Variants in PDS5B observed in about 807,000 individuals in gnomAD.
PDS5B encodes PDS5 cohesin associated factor B, also known as sister chromatid cohesion protein PDS5 homolog B.
A neutral mutation model predicts 184.1 loss-of-function variants in PDS5B; 51 were observed. The observed-to-expected ratio is 0.28, with a 90% CI of 0.22 to 0.35. The LOEUF (loss-of-function observed/expected upper bound fraction) is 0.35, where lower values mean the gene tolerates loss of function less well. Ranked by LOEUF, PDS5B falls within the 10% of genes least tolerant of loss-of-function variation. The pLI is 1.00. For synonymous variants in PDS5B, 566 were observed against 569.2 expected (o/e 0.99, Z 0.08); for missense variants, 1,180 against 1,723.3 (o/e 0.68, Z 5.58).
rs1325336968 is a variant in PDS5B, at chr13:32,776,828, CATTT to C, written c.*1781_*1784del. 6.6e-6 allele frequency: 1 copy of C among 152,230 alleles called. No individual in the cohort carries two copies. Among genetic ancestry groups the C allele is most frequent in the African/African-American group, 2.4e-5 (1 of 41,384 alleles). 9.4% of individuals were successfully genotyped at this position (152,230 alleles called of 1,614,324 possible). Reference sequence around the variant, plus strand: ...GATTTGTTTGTGTTTATGAAACAGCCATTTATTTTTTAAAAAGTGTTTTGAATTG... The same window carrying C: ...GATTTGTTTGTGTTTATGAAACAGCCATTTTTTAAAAAGTGTTTTGAATTG... On this transcript the variant is annotated 3_prime_UTR_variant, in exon 35 of 35. Transcript: ENST00000315596.
At chr13:32,722,022 T>G (rs1271493162) in intron 19 of PDS5B, among the ~76,000 whole-genome samples, 3 of 151,870 alleles carry the variant, frequency 2.0e-5, no homozygotes, top group Admixed American at 6.6e-5. Context: ...GAGGTGGAGG[T>G]TGTAGCGAGC....
intron 20 of PDS5B, 143 bp from the exon 21 acceptor site, chr13:32,735,029 A>G: frequency 2.0e-6 from 1 of 493,940 alleles, no homozygotes; most frequent in East Asian, 3.2e-5. Context: ...TACTATGTAT[A>G]TTTATTGAAA....
chr13:32,722,582 C>T (rs114975338), intron 19 of PDS5B, among the ~76,000 whole-genome samples: 311 of 152,280 alleles, frequency 2.0e-3, no homozygotes, highest in African/African-American at 7.3e-3. Context: ...CTATGATGTT[C>T]TCACAACAAT....
chr13:32,638,977 G>T (rs2058612398), intron 1 of PDS5B, among the ~76,000 whole-genome samples: 1 of 152,014 alleles, frequency 6.6e-6, no homozygotes, highest in Non-Finnish European at 1.5e-5. Context: ...GGCGGGGGCG[G>T]CGTTGTACAA....
intron 2 of PDS5B, among the ~76,000 whole-genome samples, chr13:32,650,803 A>C: frequency 6.6e-6 from 1 of 152,210 alleles, no homozygotes; most frequent in East Asian, 1.9e-4. Flanking sequence ...TTCAGTAGAA[A>C]TCGAGCCATT....
intron 1 of PDS5B, among the ~76,000 whole-genome samples, chr13:32,610,267 C>T (rs912905358): frequency 6.6e-6 from 1 of 152,102 alleles, no homozygotes; most frequent in East Asian, 1.9e-4. Context: ...ATGTTGAAGA[C>T]GTATAAATAA....
chr13:32,655,091 G>T (rs1234094847), intron 3 of PDS5B, among the ~76,000 whole-genome samples: 2 of 151,678 alleles, frequency 1.3e-5, no homozygotes, highest in African/African-American at 4.8e-5. Flanking sequence ...TCAGTTCTTT[G>T]AGAAATTGCC....
intron 1 of PDS5B, among the ~76,000 whole-genome samples, chr13:32,595,690 A>G (rs1566231678): frequency 6.6e-6 from 1 of 152,238 alleles, no homozygotes; most frequent in African/African-American, 2.4e-5. Context: ...ACGTGAATAA[A>G]CCAAACTGAG....
intron 25 of PDS5B, among the ~76,000 whole-genome samples, chr13:32,755,215 A>G (rs537625013): frequency 6.6e-6 from 1 of 152,178 alleles, no homozygotes; most frequent in African/African-American, 2.4e-5. Flanking sequence ...TGTACCCCTT[A>G]TTAAACCAAT....
Position 32,606,892 on chromosome 13 carries a change from C to T in PDS5B, c.-20+20299C>T, listed in dbSNP as rs1042077494. ...GCTTGTGCATTCATCACGTAGTTCT[C>T]GTGCCATGGTTTTCAGTCCATCAGG... On this transcript the variant is annotated intron_variant, in intron 1 of 34. Coordinates refer to ENST00000315596, the MANE Select transcript of PDS5B (RefSeq NM_015032.4). Among the ~76,000 whole-genome samples, 3 of 152,172 alleles carry T rather than the reference C, an allele frequency of 2.0e-5. No homozygotes were observed. In the East Asian group the frequency reaches 5.8e-4, roughly 29 times the overall value.
intron 24 of PDS5B, among the ~76,000 whole-genome samples, chr13:32,750,627 T>G (rs2140992423): frequency 6.6e-6 from 1 of 151,136 alleles, no homozygotes. Flanking sequence ...CTGTAACCTC[T>G]GCCTCCCGGG....
intron 18 of PDS5B, among the ~76,000 whole-genome samples, chr13:32,709,540 A>G (rs956860957): frequency 6.6e-6 from 1 of 152,008 alleles, no homozygotes; most frequent in Non-Finnish European, 1.5e-5. Flanking sequence ...CTGTCTGGTC[A>G]GTCTAGTTTA....
At chr13:32,655,730 A>G (rs1290639318) in intron 3 of PDS5B, among the ~76,000 whole-genome samples, 1 of 151,844 alleles carries the variant, frequency 6.6e-6, no homozygotes, top group Non-Finnish European at 1.5e-5. Context: ...TACCTTCTTG[A>G]TATTAGACCT....
At chr13:32,728,314 A>G (rs192300793) in intron 19 of PDS5B, among the ~76,000 whole-genome samples, 2 of 151,922 alleles carry the variant, frequency 1.3e-5, no homozygotes, top group Admixed American at 1.3e-4. Flanking sequence ...CTATTGAGTA[A>G]TTTTTGTCCA....
At chr13:32,676,289 C>A (rs1031831395) in intron 9 of PDS5B, among the ~76,000 whole-genome samples, 3 of 151,972 alleles carry the variant, frequency 2.0e-5, no homozygotes, top group Non-Finnish European at 4.4e-5. Context: ...AAATTAATTA[C>A]AATTAATTAG....
At chr13:32,664,342 CCTT>C (rs751631910) in intron 6 of PDS5B, among the ~76,000 whole-genome samples, 9 of 152,100 alleles carry the variant, frequency 5.9e-5, no homozygotes, top group South Asian at 2.1e-4. Context: ...GGTACAAAAA[CCTT>C]CTAGCATAAT....
intron 31 of PDS5B, among the ~76,000 whole-genome samples, chr13:32,768,843 T>C (rs1954677161): frequency 7.2e-6 from 1 of 138,138 alleles, no homozygotes. Context: ...GGCTCATGCC[T>C]GTAATCCCAG....
chr13:32,622,950 T>C (rs964681548), intron 1 of PDS5B, among the ~76,000 whole-genome samples: 1 of 152,144 alleles, frequency 6.6e-6, no homozygotes, highest in Non-Finnish European at 1.5e-5. Context: ...GAATGGGAGA[T>C]AGTTCTTAAA....
chr13:32,721,130 A>C (rs555280395), intron 19 of PDS5B, among the ~76,000 whole-genome samples: 19 of 152,338 alleles, frequency 1.2e-4, no homozygotes, highest in African/African-American at 4.3e-4. Flanking sequence ...CATTGTCATC[A>C]TGGCCCGTTC....
Sources: allele counts gnomAD v4.1 joint callset (sites outside exome capture counted in the v4.1 genomes callset), GRCh38; gene constraint gnomAD v4.1.1; transcripts MANE v1.5; gene names NCBI Gene and HGNC (gene_info 2026-07-23, HGNC 2026-07-21).